Variants in DYNC2H1 observed in about 807,000 individuals in gnomAD.
The protein encoded by DYNC2H1 is cytoplasmic dynein 2 heavy chain 1.
DYNC2H1 carries 410 observed loss-of-function variants against 570.0 expected under a neutral mutation model. The observed-to-expected ratio is 0.72, with a 90% CI of 0.66 to 0.78. The LOEUF (loss-of-function observed/expected upper bound fraction) is 0.78, where lower values mean the gene tolerates loss of function less well. DYNC2H1 is among the 30% of genes least tolerant of loss of function. DYNC2H1 has a pLI of 0.00. For synonymous variants in DYNC2H1, 1,688 were observed against 1,677.6 expected (o/e 1.01, Z -0.15); for missense variants, 4,865 against 5,046.4 (o/e 0.96, Z 1.09).
intron 83 of DYNC2H1, among the ~76,000 whole-genome samples, chr11:103,378,473 C>T (rs1053339923): frequency 2.0e-5 from 3 of 152,132 alleles, no homozygotes; most frequent in African/African-American, 7.2e-5. Flanking sequence ...TGGGATACTG[C>T]AAATGGAGAG....
intron 88 of DYNC2H1, among the ~76,000 whole-genome samples, chr11:103,470,926 T>C (rs1423345285): frequency 1.3e-5 from 2 of 152,168 alleles, no homozygotes; most frequent in African/African-American, 4.8e-5. Context: ...TTTGGGTATA[T>C]ACCCAGTAAT....
At chr11:103,420,930 G>A (rs945710576) in intron 84 of DYNC2H1, among the ~76,000 whole-genome samples, 4 of 152,152 alleles carry the variant, frequency 2.6e-5, no homozygotes, top group African/African-American at 9.7e-5. Flanking sequence ...GACACAGAGT[G>A]GCAAGCTGTA....
chr11:103,176,139 A>G (rs1861797732), intron 36 of DYNC2H1, 96 bp from the exon 37 acceptor site: 2 of 875,838 alleles, frequency 2.3e-6, no homozygotes, highest in Non-Finnish European at 3.2e-6. Context: ...AGTGCATTTA[A>G]TGATTAATAA....
At position 103,191,561 on chromosome 11, in the gene DYNC2H1, T is replaced by C. The variant is rs2135050413; in HGVS notation, c.7482T>C (p.Phe2494=). ...TTGATGATTATAGTCACTATTTCTT[T>C]ACTCCTTGCATTCTTACCCAATGGG... ...FTVDDYSHYF[F]TPCILTQWVL... The change falls in exon 46 of 89, where the codon TTT becomes TTC. Residue 2494 remains phenylalanine, a synonymous_variant. Coordinates refer to ENST00000375735, the MANE Select transcript of DYNC2H1 (RefSeq NM_001377.3). 6.2e-7 allele frequency: 1 copy of C among 1,610,588 alleles called. No homozygotes were observed.
rs1485332454 is a variant in DYNC2H1, at chr11:103,455,219, C to T, written c.12490C>T (p.Leu4164Phe). 1.2e-6 allele frequency: 2 copies of T among 1,613,348 alleles called. No homozygotes were observed. Among genetic ancestry groups the T allele is most frequent in the Non-Finnish European group, 1.7e-6 (2 of 1,179,480 alleles). ...WVDKAEKQALLSETLDLSELF... is the reference protein window; with the variant it reads ...WVDKAEKQALFSETLDLSELF... Reference sequence around the variant, plus strand: ...AGATAAAGCTGAAAAACAGGCTCTTCTCTCTGAAACACTTGACCTATCAGA... The same window carrying T: ...AGATAAAGCTGAAAAACAGGCTCTTTTCTCTGAAACACTTGACCTATCAGA... The change falls in exon 86 of 89, where the codon CTC becomes TTC. Residue 4164 changes from leucine (L) to phenylalanine (F), a missense_variant. Transcript: ENST00000375735.
intron 83 of DYNC2H1, among the ~76,000 whole-genome samples, chr11:103,384,735 AGTCT>A (rs1404990190): frequency 1.3e-5 from 2 of 152,018 alleles, no homozygotes; most frequent in Non-Finnish European, 2.9e-5. Flanking sequence ...TTTATATTTT[AGTCT>A]GTCTTTCTTG....
At position 103,257,612 on chromosome 11, in the gene DYNC2H1, G is replaced by A. The variant is rs755858936; in HGVS notation, c.10466G>A (p.Arg3489Gln). The change falls in exon 69 of 89, where the codon CGG becomes CAG. Residue 3489 changes from arginine to glutamine, a missense_variant. This residue lies in a region of DYNC2H1 where 2,401 missense variants were observed against 2,454.6 expected (regional missense o/e 0.98). Transcript: ENST00000375735. ...YKLQISLDQE[R>Q]DAYLPLAESA... ...TACTGATCTCTTGATCCATAGGAAC[G>A]GGATGCCTATCTCCCCCTGGCTGAG... 31 of 1,609,198 alleles carry A rather than the reference G, an allele frequency of 1.9e-5. No homozygotes were observed. Among genetic ancestry groups the A allele is most frequent in the South Asian group, 3.3e-5 (3 of 90,206 alleles).
chr11:103,479,009 T>G, intron 88 of DYNC2H1, 86 bp from the exon 89 acceptor site: 2 of 1,401,524 alleles, frequency 1.4e-6, no homozygotes, highest in East Asian at 4.9e-5. Flanking sequence ...TAATATAATA[T>G]TAATATGTTT....
In DYNC2H1 at chr11:103,245,432, T is replaced by C. The variant is rs1191137862; in HGVS notation, c.10042+58T>C. On this transcript the variant is annotated intron_variant, in intron 65 of 88. Transcript: ENST00000375735. This position sits in a 1 kb window ranked among gnomAD's most constrained non-coding sequence, Gnocchi z 4.5. ...TTTTTAAAATTTCCAAAGTAAGTAA[T>C]TAAACCAGGTGCAAGCTTTCAAGAG... The C allele has an allele frequency of 6.7e-7, 1 of 1,502,924 alleles. No homozygotes were observed. Among genetic ancestry groups the C allele is most frequent in the Admixed American group, 2.3e-5 (1 of 43,424 alleles). The allele number at this position is 1,502,924 out of a possible 1,614,324, so 93.1% of individuals were successfully genotyped here.
At chr11:103,348,653 G>A (rs1939883612) in intron 82 of DYNC2H1, among the ~76,000 whole-genome samples, 2 of 152,076 alleles carry the variant, frequency 1.3e-5, no homozygotes, top group Non-Finnish European at 2.9e-5. Context: ...TTGCTAAATA[G>A]TATTCCATTT....
intron 13 of DYNC2H1, among the ~76,000 whole-genome samples, chr11:103,131,826 T>G (rs1462020864): frequency 1.3e-5 from 2 of 152,206 alleles, no homozygotes; most frequent in East Asian, 3.8e-4. Flanking sequence ...GAATAATGTA[T>G]TGTATCTCTT....
intron 80 of DYNC2H1, among the ~76,000 whole-genome samples, chr11:103,318,815 C>T (rs546651809): frequency 1.3e-5 from 2 of 151,934 alleles, no homozygotes; most frequent in Non-Finnish European, 2.9e-5. Context: ...TGTAACTTGC[C>T]CAAAATAAAA....
chr11:103,429,456 C>T (rs1255945868), intron 84 of DYNC2H1, among the ~76,000 whole-genome samples: 2 of 101,232 alleles, frequency 2.0e-5, no homozygotes, highest in Admixed American at 1.0e-4. Context: ...TTTTTCTGTA[C>T]TGATAAAAAA....
At chr11:103,192,479 A>C (rs948536004) in intron 47 of DYNC2H1, among the ~76,000 whole-genome samples, 2 of 152,200 alleles carry the variant, frequency 1.3e-5, no homozygotes, top group South Asian at 2.1e-4. Flanking sequence ...CTTAGAAAAA[A>C]GTTCAGGCCA....
At position 103,264,756 on chromosome 11, in the gene DYNC2H1, A is replaced by G. The variant is rs1865443009; in HGVS notation, c.10695+4779A>G. Among the ~76,000 whole-genome samples, 1 of 152,238 alleles carries G rather than the reference A, an allele frequency of 6.6e-6. No individual in the cohort carries two copies. The highest frequency in any genetic ancestry group is 2.1e-4 in the South Asian group (1 of 4,832). The stretch of plus-strand genomic sequence containing the variant: ...GTCATACCGAATGTGAATCAATATC[A>G]GTATCATACTGAATGGGCAAAAGCT... On this transcript the variant is annotated intron_variant, in intron 70 of 88. Transcript: ENST00000375735. The surrounding 1 kb of genome is among the most constrained non-coding windows in gnomAD (Gnocchi z 4.8).
chr11:103,461,383 C>G lies in DYNC2H1; in HGVS notation c.12648+5027C>G, dbSNP rs1431371270. ...CTCCAAACCGATCAATATCTTAAAC[C>G]CTTTAGACCTACTTGAGAGAACATA... On this transcript the variant is annotated intron_variant, in intron 87 of 88. Transcript: ENST00000375735. This position sits in a 1 kb window ranked among gnomAD's most constrained non-coding sequence, Gnocchi z 4.8. Among the ~76,000 whole-genome samples, 1 of 152,016 alleles carries G rather than the reference C, an allele frequency of 6.6e-6. No individual in the cohort carries two copies. Among genetic ancestry groups the G allele is most frequent in the East Asian group, 1.9e-4 (1 of 5,196 alleles).
chr11:103,306,798 A>G (rs1160370975), intron 77 of DYNC2H1, among the ~76,000 whole-genome samples: 1 of 152,144 alleles, frequency 6.6e-6, no homozygotes, highest in African/African-American at 2.4e-5. Flanking sequence ...TTATTTATTC[A>G]TTTATTAAAT....
chr11:103,179,001 C>T, intron 38 of DYNC2H1, 25 bp from the exon 39 acceptor site: 1 of 1,576,656 alleles, frequency 6.3e-7, no homozygotes, highest in South Asian at 1.2e-5. Context: ...TTTATTTTGT[C>T]TCCACTGTTT....
chr11:103,235,884 C>G (rs1864199467), intron 62 of DYNC2H1, 71 bp downstream of exon 62: 2 of 1,566,096 alleles, frequency 1.3e-6, no homozygotes, highest in Non-Finnish European at 1.7e-6. Context: ...TTTCAATATA[C>G]TAAAAATAGA....
Sources: gnomAD v4.1 joint callset for allele counts (sites outside exome capture counted in the v4.1 genomes callset) on GRCh38, gnomAD v4.1.1 for gene constraint, gnomAD v4.1.1 regional missense constraint, Gnocchi (gnomAD v3.1) non-coding constraint, MANE v1.5 for transcripts, NCBI Gene and HGNC (gene_info 2026-07-23, HGNC 2026-07-21) for gene names.